KIAA0930: variants seen among roughly 807,000 people sequenced by gnomAD.
KIAA0930 encodes KIAA0930.
In KIAA0930, 24 loss-of-function variants were observed where a neutral mutation model predicts 43.9. The observed-to-expected ratio is 0.55, with a 90% CI of 0.40 to 0.77. KIAA0930 has a LOEUF of 0.77. KIAA0930 is among the 30% of genes least tolerant of loss of function. The pLI, the probability that KIAA0930 is intolerant of heterozygous loss-of-function variation, is 0.00. For missense variants in KIAA0930, 461 were observed against 574.2 expected (o/e 0.80, Z 2.02); for synonymous variants, 259 against 216.4 (o/e 1.20, Z -1.73).
rs747007695 is a variant in KIAA0930, at chr22:45,199,993, G to C, written c.895C>G (p.Arg299Gly). The change falls in exon 8 of 10, where the codon CGG (arginine) becomes GGG (glycine). Residue 299 changes from arginine (R) to glycine (G), a missense_variant. Coordinates refer to ENST00000336156, the MANE Select transcript of KIAA0930 (RefSeq NM_001009880.2). ...STPPTPERNN[R>G]PAFFSPSLKR... ...AGGGATGGGGAGAAGAAGGCAGGCCGGTTGTTCCGTTCTGGGGTGGGGGGT... is the reference window on the plus strand; with the variant it reads ...AGGGATGGGGAGAAGAAGGCAGGCCCGTTGTTCCGTTCTGGGGTGGGGGGT... 8.7e-6 allele frequency: 14 copies of C among 1,607,268 alleles called. No individual in the cohort carries two copies. The highest frequency in any genetic ancestry group is 1.2e-5 in the Non-Finnish European group (14 of 1,176,786).
At chr22:45,207,133 A>G (rs1418219040) in intron 2 of KIAA0930, among the ~76,000 whole-genome samples, 1 of 149,792 alleles carries the variant, frequency 6.7e-6, no homozygotes, top group Non-Finnish European at 1.5e-5. Flanking sequence ...CAGCCTCCCA[A>G]GTAGCTGGGA....
intron 1 of KIAA0930, among the ~76,000 whole-genome samples, chr22:45,237,515 C>T (rs1407956694): frequency 1.3e-5 from 2 of 152,218 alleles, no homozygotes; most frequent in Admixed American, 6.5e-5. Context: ...GGAGCTTAGT[C>T]CCATCTCAGA....
rs779554245 is a variant in KIAA0930 at position 45,212,085 on chromosome 22, G to A, written c.87C>T (p.Ile29=). Residue 29 remains isoleucine (I), a synonymous_variant, in exon 2 of 10, where the codon ATC becomes ATT. Transcript: ENST00000336156. ...CGLGCFKDDR[I]VFWTWMFSTY... Reference sequence around the variant, plus strand: ...TGGAGAACATCCAAGTCCAGAAGACGATGCGGTCATCCTTGAAGCACCCTG... The same window carrying A: ...TGGAGAACATCCAAGTCCAGAAGACAATGCGGTCATCCTTGAAGCACCCTG... 24 of 1,613,770 alleles carry A rather than the reference G, an allele frequency of 1.5e-5. No homozygotes were observed. The highest frequency in any genetic ancestry group is 4.4e-5 in the South Asian group (4 of 91,072).
Position 45,205,248 on chromosome 22 carries a change from T to C in KIAA0930, c.485A>G (p.Asn162Ser), listed in dbSNP as rs1240254930. The change falls in exon 5 of 10, where the codon AAC becomes AGC. Residue 162 changes from asparagine to serine, a missense_variant. Asn to Ser is a conservative substitution (Grantham distance 46). Coordinates refer to ENST00000336156, the MANE Select transcript of KIAA0930 (RefSeq NM_001009880.2). ...KGEESKISYP[N>S]IFFMIDSFEE... ...GAAGCTGTCAATCATGAAGAAGATG[T>C]TGGGGTAGCTGATCTTGGACTCCTC... is the stretch of plus-strand genomic sequence containing the variant. 2 of 1,614,062 alleles carry C rather than the reference T, an allele frequency of 1.2e-6. No homozygotes were observed. Among genetic ancestry groups the C allele is most frequent in the Non-Finnish European group, 1.7e-6 (2 of 1,179,942 alleles).
intron 7 of KIAA0930, chr22:45,200,967 G>A (rs781165672): frequency 9.6e-6 from 5 of 519,944 alleles, no homozygotes; most frequent in Middle Eastern, 3.2e-4. Flanking sequence ...GTGAAGAAGG[G>A]GGGGAAGGGC....
At chr22:45,211,583 C>T (rs999467429) in intron 2 of KIAA0930, among the ~76,000 whole-genome samples, 1 of 152,204 alleles carries the variant, frequency 6.6e-6, no homozygotes, top group Non-Finnish European at 1.5e-5. Context: ...AGTCAGGTCA[C>T]CCTGCCATGG....
intron 1 of KIAA0930, among the ~76,000 whole-genome samples, chr22:45,229,304 AAGATCCCTCTCCACATCCCCACCAC>A (rs1569084301): frequency 2.0e-5 from 2 of 98,310 alleles, no homozygotes; most frequent in African/African-American, 5.7e-5. Flanking sequence ...ACTCACCTGA[AAGATCCCTCTCCACATCCCCACCAC>A]CACTCACCGG....
rs1185296882 is a variant in KIAA0930, at chr22:45,192,245, A to G, written c.*4931T>C. ...TTACAGAAAAAGATTAGAGGAAGAC[A>G]CAGAAAAAAAAAATTTAATATTCAA... On this transcript the variant is annotated 3_prime_UTR_variant, in exon 10 of 10. Coordinates refer to ENST00000336156, the MANE Select transcript of KIAA0930 (RefSeq NM_001009880.2). 1 of 152,266 alleles carries G rather than the reference A, an allele frequency of 6.6e-6. No individual in the cohort carries two copies. The highest frequency in any genetic ancestry group is 1.5e-5 in the Non-Finnish European group (1 of 68,050). 9.4% of individuals were successfully genotyped at this position (152,266 alleles called of 1,614,324 possible).
chr22:45,205,599 G>C (rs748959921), intron 4 of KIAA0930, 31 bp downstream of exon 4: 1 of 1,603,426 alleles, frequency 6.2e-7, no homozygotes, highest in Admixed American at 1.7e-5. Flanking sequence ...CTGGCAGTTA[G>C]GAGGCTGGGG....
At chr22:45,212,415 C>T in intron 1 of KIAA0930, 1 of 1,542,468 alleles carries the variant, frequency 6.5e-7, no homozygotes, top group South Asian at 1.2e-5. Flanking sequence ...AAAGGAAAAT[C>T]CCGAGGAGCC....
In KIAA0930 at chr22:45,213,250, A is replaced by AGCCCTCG. The variant is rs941622496; in HGVS notation, c.65-1150_65-1144dup. On this transcript the variant is annotated intron_variant, in intron 1 of 9. Transcript: ENST00000336156. Reference sequence around the variant, plus strand: ...AGAACCAGGACTCACAGCCAGCCCCAGCCCTCGGCCCTCAGCCCTCAGCCC... The same window carrying AGCCCTCG: ...AGAACCAGGACTCACAGCCAGCCCCAGCCCTCGGCCCTCGGCCCTCAGCCCTCAGCCC... The AGCCCTCG allele has an allele frequency of 4.4e-5, 53 of 1,212,012 alleles. No homozygotes were observed. The Admixed American group carries it at 9.6e-4, about 22-fold the overall frequency. 75.1% of individuals were successfully genotyped at this position (1,212,012 alleles called of 1,614,324 possible).
intron 2 of KIAA0930, among the ~76,000 whole-genome samples, chr22:45,207,928 C>T (rs1392325603): frequency 6.6e-6 from 1 of 152,242 alleles, no homozygotes; most frequent in Non-Finnish European, 1.5e-5. Flanking sequence ...GCTGTTCCTC[C>T]TGGTCTCGCT....
At position 45,194,052 on chromosome 22, in the gene KIAA0930, C is replaced by CTTTTTTTATTTTTTT. The variant is rs2083514376; in HGVS notation, c.*3123_*3124insAAAAAAATAAAAAAA. Reference sequence around the variant, plus strand: ...GGTTTGGGTTTAAAGACCAATGTATCTTTTTTTTTTTTTTTTTTTTTTTTT... The same window carrying CTTTTTTTATTTTTTT: ...GGTTTGGGTTTAAAGACCAATGTATCTTTTTTTATTTTTTTTTTTTTTTTTTTTTTTTTTTTTTTT... On this transcript the variant is annotated 3_prime_UTR_variant, in exon 10 of 10. Coordinates refer to ENST00000336156, the MANE Select transcript of KIAA0930 (RefSeq NM_001009880.2). 2.3e-5 allele frequency: 1 copy of CTTTTTTTATTTTTTT among 44,332 alleles called. No individual in the cohort carries two copies. Among genetic ancestry groups the CTTTTTTTATTTTTTT allele is most frequent in the Non-Finnish European group, 3.9e-5 (1 of 25,506 alleles). 2.7% of individuals were successfully genotyped at this position (44,332 alleles called of 1,614,324 possible).
intron 1 of KIAA0930, among the ~76,000 whole-genome samples, chr22:45,213,778 G>A (rs774199183): frequency 3.9e-5 from 6 of 152,210 alleles, no homozygotes; most frequent in Non-Finnish European, 8.8e-5. Flanking sequence ...GGGAGGCTGG[G>A]GTGGGTGGAT....
At chr22:45,223,699 C>G (rs763528772) in intron 1 of KIAA0930, among the ~76,000 whole-genome samples, 9 of 151,074 alleles carry the variant, frequency 6.0e-5, no homozygotes, top group Non-Finnish European at 7.4e-5. Context: ...AGGGTCAGCA[C>G]TAAGCTAGCA....
intron 1 of KIAA0930, among the ~76,000 whole-genome samples, chr22:45,217,424 C>T (rs5766552): frequency 0.16 from 23,090 of 146,746 alleles, 2,069 homozygotes; most frequent in African/African-American, 0.25. Context: ...TTCACTAACA[C>T]TGAACTCATG....
At chr22:45,205,769 A>AGCGG in intron 3 of KIAA0930, 24 bp downstream of exon 3, 2 of 1,546,006 alleles carry the variant, frequency 1.3e-6, no homozygotes, top group Non-Finnish European at 1.8e-6. Context: ...GCCAATCCGC[A>AGCGG]GCCCCACCCA....
chr22:45,236,356 C>G (rs954795330), intron 1 of KIAA0930: 1 of 152,472 alleles, frequency 6.6e-6, no homozygotes, highest in African/African-American at 2.4e-5. Flanking sequence ...ATACCAAGTT[C>G]TGAGCCAGGG....
intron 1 of KIAA0930, among the ~76,000 whole-genome samples, chr22:45,234,015 G>A (rs1350703915): frequency 1.3e-5 from 2 of 152,216 alleles, no homozygotes; most frequent in African/African-American, 2.4e-5. Flanking sequence ...AACCCTTAGC[G>A]GGAGAGCCTG....
Sources: allele counts gnomAD v4.1 joint callset (sites outside exome capture counted in the v4.1 genomes callset), GRCh38; gene constraint gnomAD v4.1.1; transcripts MANE v1.5; gene names NCBI Gene and HGNC (gene_info 2026-07-23, HGNC 2026-07-21).